The following NCKAP5 variants were observed in gnomAD, a reference collection of about 807,000 sequenced individuals.
NCKAP5 encodes the protein nck-associated protein 5.
Under a neutral mutation model 167.0 loss-of-function variants are expected in NCKAP5, and 92 were observed. That is an observed-to-expected ratio of 0.55 (90% CI 0.47 to 0.66). NCKAP5 has a LOEUF of 0.66. NCKAP5 is among the 30% of genes least tolerant of loss of function. The pLI is 0.00. For missense variants in NCKAP5, 2,378 were observed against 2,315.0 expected, an observed-to-expected ratio of 1.03 and a Z score of -0.56; for synonymous variants, 891 against 877.4, an observed-to-expected ratio of 1.02 and a Z score of -0.27.
chr2:133,268,973 T>A (rs907501480), intron 4 of NCKAP5: 2 of 152,188 alleles, frequency 1.3e-5, no homozygotes, highest in African/African-American at 4.8e-5. Context: ...ATTGCTGTTG[T>A]CCAGGAAGAG....
intron 8 of NCKAP5, among the ~76,000 whole-genome samples, chr2:132,959,162 G>A (rs1390876216): frequency 6.7e-6 from 1 of 150,178 alleles, no homozygotes; most frequent in Non-Finnish European, 1.5e-5. Context: ...TGCACAGCCA[G>A]GTTTGTCTAT....
intron 6 of NCKAP5, among the ~76,000 whole-genome samples, chr2:133,064,207 T>C (rs2080109679): frequency 6.6e-6 from 1 of 152,202 alleles, no homozygotes; most frequent in Admixed American, 6.5e-5. Context: ...TAAAATGTCA[T>C]CAGGGAACAA....
chr2:133,621,081 A>C, the NCKAP5 span, among the ~76,000 whole-genome samples: 1 of 152,148 alleles, frequency 6.6e-6, no homozygotes, highest in East Asian at 1.9e-4. Flanking sequence ...GAACGATAAT[A>C]GTGACACAAT....
chr2:132,783,318 T>C lies in NCKAP5; in HGVS notation c.3493A>G (p.Thr1165Ala). 1 of 1,613,866 alleles carries C rather than the reference T, an allele frequency of 6.2e-7. No individual in the cohort carries two copies. Among genetic ancestry groups the C allele is most frequent in the Admixed American group, 1.7e-5 (1 of 59,986 alleles). ...TCTTTTTCATGTTTCCCTGGCACGG[T>C]GGAACTTTTCCTGAGCAGCTGGGGA... is the stretch of plus-strand genomic sequence containing the variant. ...KSPQLLRKSS[T>A]VPGKHEKDSL... is the part of the protein sequence containing the mutation. Residue 1165 changes from threonine to alanine, a missense_variant, in exon 14 of 20, where the codon ACC (threonine) becomes GCC (alanine). By Grantham distance (58) the Thr-to-Ala change is moderately conservative. Coordinates refer to ENST00000409261, the MANE Select transcript of NCKAP5 (RefSeq NM_207363.3).
chr2:132,771,320 A>T (rs1415496336), intron 16 of NCKAP5, among the ~76,000 whole-genome samples: 1 of 152,194 alleles, frequency 6.6e-6, no homozygotes, highest in Non-Finnish European at 1.5e-5. Flanking sequence ...ATGGGAAAAA[A>T]AATTTTTAAT....
chr2:133,031,571 C>T (rs1321963758), intron 6 of NCKAP5, among the ~76,000 whole-genome samples: 1 of 151,990 alleles, frequency 6.6e-6, no homozygotes, highest in African/African-American at 2.4e-5. Context: ...CTGAACTAGG[C>T]CCACAGACAG....
intron 5 of NCKAP5, among the ~76,000 whole-genome samples, chr2:133,167,188 T>C (rs1384351917): frequency 2.0e-5 from 3 of 152,208 alleles, no homozygotes; most frequent in Non-Finnish European, 4.4e-5. Context: ...AAATAAAAAG[T>C]TTAAGTGACA....
chr2:133,647,352 A>AAAGAAAGGAAAGAAAGGAAGG, the NCKAP5 span, among the ~76,000 whole-genome samples: 1 of 121,894 alleles, frequency 8.2e-6, no homozygotes, highest in Non-Finnish European at 1.6e-5. Context: ...GAAAGAAAGG[A>AAAGAAAGGAAAGAAAGGAAGG]AAGAAAGGAA....
chr2:133,658,352 C>T, the NCKAP5 span, among the ~76,000 whole-genome samples: 6 of 152,220 alleles, frequency 3.9e-5, no homozygotes, highest in South Asian at 4.1e-4. Flanking sequence ...GTGTAAAATA[C>T]GGTTCCTGAC....
chr2:133,381,387 C>A (rs904989457), intron 3 of NCKAP5: 1 of 152,136 alleles, frequency 6.6e-6, no homozygotes, highest in Non-Finnish European at 1.5e-5. Flanking sequence ...TGATAAATAA[C>A]CTGATTAAGA....
chr2:133,138,302 T>C (rs915638883), intron 5 of NCKAP5, among the ~76,000 whole-genome samples: 3 of 152,160 alleles, frequency 2.0e-5, no homozygotes, highest in African/African-American at 7.2e-5. Context: ...TGGAAAAAAT[T>C]ACAACAAATT....
At chr2:133,139,051 GGATC>G (rs2082902219) in intron 5 of NCKAP5, among the ~76,000 whole-genome samples, 1 of 152,140 alleles carries the variant, frequency 6.6e-6, no homozygotes, top group Non-Finnish European at 1.5e-5. Flanking sequence ...ATTGGCTCAT[GGATC>G]TCTCTCTACA....
intron 6 of NCKAP5, among the ~76,000 whole-genome samples, chr2:133,057,145 G>A (rs2079833188): frequency 6.6e-6 from 1 of 152,116 alleles, no homozygotes; most frequent in Non-Finnish European, 1.5e-5. Context: ...CAATAAACGT[G>A]TGTTCTGACT....
At chr2:133,109,265 A>G (rs2081828631) in intron 6 of NCKAP5, among the ~76,000 whole-genome samples, 1 of 152,230 alleles carries the variant, frequency 6.6e-6, no homozygotes, top group Admixed American at 6.5e-5. Flanking sequence ...AACTCACATC[A>G]GGTGATGCGT....
intron 16 of NCKAP5, among the ~76,000 whole-genome samples, chr2:132,763,954 C>T (rs1415857994): frequency 6.6e-6 from 1 of 152,098 alleles, no homozygotes; most frequent in Non-Finnish European, 1.5e-5. Flanking sequence ...GAATTTAGCT[C>T]CCTGGTGCAA....
intron 5 of NCKAP5, among the ~76,000 whole-genome samples, chr2:133,202,082 A>G (rs1246097290): frequency 6.6e-6 from 1 of 152,190 alleles, no homozygotes; most frequent in African/African-American, 2.4e-5. Flanking sequence ...TGCCGAGTCA[A>G]TCCTAAGCCA....
chr2:133,278,289 G>C (rs2089810356), intron 4 of NCKAP5, among the ~76,000 whole-genome samples: 1 of 152,202 alleles, frequency 6.6e-6, no homozygotes, highest in South Asian at 2.1e-4. Context: ...GTAAACTGAA[G>C]ATGTCAAGAG....
chr2:132,767,513 G>A (rs1044479813), intron 16 of NCKAP5, among the ~76,000 whole-genome samples: 2 of 152,088 alleles, frequency 1.3e-5, no homozygotes, highest in Admixed American at 6.5e-5. Flanking sequence ...CCTAGTGCTG[G>A]GATTACAGGC....
At position 132,874,290 on chromosome 2, in the gene NCKAP5, A is replaced by C. The variant is rs1371629092; in HGVS notation, c.648+4558T>G. Among the ~76,000 whole-genome samples, 5 of 151,646 alleles carry C rather than the reference A, an allele frequency of 3.3e-5. No individual in the cohort carries two copies. In the East Asian group the frequency reaches 9.7e-4, roughly 29 times the overall value. On this transcript the variant is annotated intron_variant, in intron 9 of 19. Coordinates refer to ENST00000409261, the MANE Select transcript of NCKAP5 (RefSeq NM_207363.3). ...TGCCTGGTTAATTTTCTGTATTTTT[A>C]GTAGAGACGAGGTTTCACTATGTTG... is the stretch of plus-strand genomic sequence containing the variant.
Sources: allele counts gnomAD v4.1 joint callset (sites outside exome capture counted in the v4.1 genomes callset), GRCh38; gene constraint gnomAD v4.1.1; transcripts MANE v1.5; gene names NCBI Gene and HGNC (gene_info 2026-07-23, HGNC 2026-07-21).